DENND2B: variants seen among roughly 807,000 people sequenced by gnomAD.
The protein encoded by DENND2B is DENN domain containing 2B.
Under a neutral mutation model 116.0 loss-of-function variants are expected in DENND2B, and 32 were observed. That is an observed-to-expected ratio of 0.28 (90% CI 0.21 to 0.37). The LOEUF (loss-of-function observed/expected upper bound fraction) is 0.37. Ranked by LOEUF, DENND2B falls within the 10% of genes least tolerant of loss-of-function variation. The pLI is 1.00. For synonymous variants in DENND2B, 588 were observed against 583.9 expected (o/e 1.01, Z -0.10); for missense variants, 1,276 against 1,477.7 (o/e 0.86, Z 2.24).
chr11:8,869,405 G>A (rs550831695), intron 2 of DENND2B, among the ~76,000 whole-genome samples: 2 of 152,320 alleles, frequency 1.3e-5, no homozygotes, highest in East Asian at 3.9e-4. Flanking sequence ...GCTCACGCCT[G>A]TAATTCCAGC....
chr11:8,896,499 T>C (rs1278623910), intron 1 of DENND2B, among the ~76,000 whole-genome samples: 2 of 152,178 alleles, frequency 1.3e-5, no homozygotes, highest in Non-Finnish European at 2.9e-5. Flanking sequence ...CAGAATGGCA[T>C]AGTGAGGAGG....
At chr11:8,868,936 T>A (rs2063678574) in intron 2 of DENND2B, among the ~76,000 whole-genome samples, 1 of 152,224 alleles carries the variant, frequency 6.6e-6, no homozygotes, top group African/African-American at 2.4e-5. Context: ...CGGCTCTGAG[T>A]GTGGCCCAAC....
intron 1 of DENND2B, chr11:8,895,663 G>A (rs901393887): frequency 1.3e-5 from 2 of 152,134 alleles, no homozygotes; most frequent in Non-Finnish European, 2.9e-5. Context: ...GTATAGAGAT[G>A]GATGGTGGTG....
At chr11:8,700,118 C>G (rs746216740) in intron 14 of DENND2B, 1 of 405,760 alleles carries the variant, frequency 2.5e-6, no homozygotes, top group East Asian at 7.2e-5. Flanking sequence ...GAGGGTAGAA[C>G]CTTCAGGAAA....
intron 1 of DENND2B, among the ~76,000 whole-genome samples, chr11:8,779,514 C>CT (rs771481403): frequency 0.014 from 449 of 31,432 alleles, 1 homozygote; most frequent in South Asian, 0.029. Flanking sequence ...TTCTTTCTTT[C>CT]TTTTTTTTTT....
At chr11:8,782,306 C>T (rs1593614301) in intron 1 of DENND2B, among the ~76,000 whole-genome samples, 1 of 152,184 alleles carries the variant, frequency 6.6e-6, no homozygotes, top group South Asian at 2.1e-4. Context: ...CAATACTATA[C>T]ATTATTTATG....
chr11:8,736,884 C>T (rs567847172), intron 2 of DENND2B, among the ~76,000 whole-genome samples: 4 of 152,162 alleles, frequency 2.6e-5, no homozygotes, highest in Non-Finnish European at 4.4e-5. Context: ...TGGATGTGAG[C>T]AGGACAGTGA....
intron 2 of DENND2B, among the ~76,000 whole-genome samples, chr11:8,734,758 C>A (rs1021668609): frequency 1.4e-5 from 2 of 141,844 alleles, no homozygotes; most frequent in African/African-American, 5.1e-5. Context: ...CATTGCACTC[C>A]GGCCTGGGCA....
rs762813948 is a variant in DENND2B, at chr11:8,730,328, C to A, written c.962G>T (p.Gly321Val). The A allele has an allele frequency of 4.3e-5, 69 of 1,600,840 alleles. No individual in the cohort carries two copies. Among genetic ancestry groups the A allele is most frequent in the Non-Finnish European group, 5.7e-5 (67 of 1,177,528 alleles). ...DRGKRKTGTL[G>V]SLEEPAGGAS... Reference sequence around the variant, plus strand: ...GCCCCCTGCCGGCTCCTCCAAGGAGCCCAAGGTTCCAGTCTTCCTTTTCCC... The same window carrying A: ...GCCCCCTGCCGGCTCCTCCAAGGAGACCAAGGTTCCAGTCTTCCTTTTCCC... Residue 321 changes from glycine (G) to valine (V), a missense_variant, in exon 3 of 20, where the codon GGC becomes GTC. Gly to Val is a moderately radical substitution (Grantham distance 109, BLOSUM62 -3). Coordinates refer to ENST00000313726, the MANE Select transcript of DENND2B (RefSeq NM_213618.2). This position sits in a 1 kb window ranked among gnomAD's most constrained non-coding sequence, Gnocchi z 4.1.
At chr11:8,739,835 A>G (rs1345479047) in intron 2 of DENND2B, among the ~76,000 whole-genome samples, 1 of 152,246 alleles carries the variant, frequency 6.6e-6, no homozygotes, top group African/African-American at 2.4e-5. Flanking sequence ...TGTAAGACAC[A>G]TAATTAGGAT....
rs1460338661 is a variant in DENND2B at position 8,715,713 on chromosome 11, G to C, written c.1735C>G (p.Leu579Val). The C allele has an allele frequency of 1.3e-5, 21 of 1,614,146 alleles. No homozygotes were observed. Residue 579 changes from leucine (L) to valine (V), a missense_variant, in exon 6 of 20, where the codon CTG (leucine) becomes GTG (valine). Physicochemically the swap from Leu to Val is conservative, Grantham distance 32. Transcript: ENST00000313726. The stretch of plus-strand genomic sequence containing the variant: ...GGCAGACTCAGCTGAGCCAGCAGCA[G>C]CATGTCGTCATGGCTGTGCCTCTTG... ...LPKRHSHDDM[L>V]LLAQLSLPSS...
chr11:8,832,715 C>A (rs1360247724), intron 4 of DENND2B: 1 of 152,466 alleles, frequency 6.6e-6, no homozygotes, highest in Non-Finnish European at 1.5e-5. Flanking sequence ...AAACCAAGAG[C>A]TTACCCACAG....
At chr11:8,836,328 C>G (rs2062423974) in intron 4 of DENND2B, among the ~76,000 whole-genome samples, 1 of 151,996 alleles carries the variant, frequency 6.6e-6, no homozygotes, top group African/African-American at 2.4e-5. Context: ...AGCCTGAGAG[C>G]CTCCCAGGGT....
At chr11:8,780,569 C>G (rs2134250929) in intron 1 of DENND2B, among the ~76,000 whole-genome samples, 1 of 152,224 alleles carries the variant, frequency 6.6e-6, no homozygotes, top group African/African-American at 2.4e-5. Flanking sequence ...GTTTGTCAGT[C>G]TGATGGGAGT....
At chr11:8,876,360 A>G (rs1306845053), upstream of DENND2B, among the ~76,000 whole-genome samples, 1 of 152,186 alleles carries the variant, frequency 6.6e-6, no homozygotes, top group Non-Finnish European at 1.5e-5. Context: ...GAATAAGTAA[A>G]CTGAATTGTG....
upstream of DENND2B, among the ~76,000 whole-genome samples, chr11:8,874,116 T>C (rs1306663367): frequency 6.6e-6 from 1 of 152,228 alleles, no homozygotes; most frequent in Non-Finnish European, 1.5e-5. Flanking sequence ...TTTGGATAGT[T>C]ATGAATACTG....
Position 8,830,933 on chromosome 11 carries a change from C to G in DENND2B, c.-115+8377G>C, listed in dbSNP as rs536182047. ...GACACATAAGAAAGAAAAGCCAAGACCAGTAGTCATCTTCTAATATATATT... is the reference window on the plus strand; with the variant it reads ...GACACATAAGAAAGAAAAGCCAAGAGCAGTAGTCATCTTCTAATATATATT... On this transcript the variant is annotated intron_variant, in intron 4 of 6. Transcript: ENST00000524757. 3.9e-4 allele frequency: 60 copies of G among 152,386 alleles called. No homozygotes were observed. In the South Asian group the frequency reaches 4.1e-3, roughly 11 times the overall value. 9.4% of individuals were successfully genotyped at this position (152,386 alleles called of 1,614,324 possible).
At chr11:8,765,256 C>T (rs781154277) in intron 1 of DENND2B, among the ~76,000 whole-genome samples, 1 of 152,160 alleles carries the variant, frequency 6.6e-6, no homozygotes, top group East Asian at 1.9e-4. Context: ...TGATGATGAC[C>T]GAACTTGCCT....
At chr11:8,771,438 A>C (rs2056830814) in intron 1 of DENND2B, among the ~76,000 whole-genome samples, 1 of 151,858 alleles carries the variant, frequency 6.6e-6, no homozygotes, top group Non-Finnish European at 1.5e-5. Context: ...CTGTGAGATA[A>C]ATATATCTAT....
Sources: allele counts gnomAD v4.1 joint callset (sites outside exome capture counted in the v4.1 genomes callset), GRCh38; gene constraint gnomAD v4.1.1; non-coding constraint Gnocchi (gnomAD v3.1); transcripts MANE v1.5; gene names NCBI Gene and HGNC (gene_info 2026-07-23, HGNC 2026-07-21).